The following PPP4R2 variants were observed in gnomAD, a reference collection of about 807,000 sequenced individuals.
PPP4R2 encodes the protein serine/threonine-protein phosphatase 4 regulatory subunit 2.
A neutral mutation model predicts 47.2 loss-of-function variants in PPP4R2; 13 were observed. That is an observed-to-expected ratio of 0.28 (90% CI 0.18 to 0.44). The LOEUF (loss-of-function observed/expected upper bound fraction) is 0.44, where lower values mean the gene tolerates loss of function less well. PPP4R2 is among the 20% of genes least tolerant of loss of function. PPP4R2 has a pLI of 1.00. For missense variants in PPP4R2, 421 were observed against 491.2 expected (o/e 0.86, Z 1.35); for synonymous variants, 151 against 163.3 (o/e 0.92, Z 0.57).
intron 2 of PPP4R2, among the ~76,000 whole-genome samples, chr3:73,018,452 T>TGTTATGTTATGTTATGTTTGTTATG: frequency 1.3e-4 from 13 of 96,532 alleles, no homozygotes; most frequent in South Asian, 6.0e-4. Context: ...TGTTATGTTA[T>TGTTATGTTATGTTATGTTTGTTATG]TTATGTTATG....
chr3:73,063,050 A>G (rs530446949), intron 5 of PPP4R2: 2 of 777,264 alleles, frequency 2.6e-6, no homozygotes, highest in East Asian at 5.3e-5. Context: ...GCATTGGGGA[A>G]ATATTTTGAG....
At chr3:73,014,115 A>G (rs1701778336) in intron 2 of PPP4R2, among the ~76,000 whole-genome samples, 1 of 129,498 alleles carries the variant, frequency 7.7e-6, no homozygotes, top group Admixed American at 7.6e-5. Context: ...ACTGGCACAG[A>G]TGTAAGAGTG....
chr3:73,013,847 G>T (rs539396587), intron 2 of PPP4R2, among the ~76,000 whole-genome samples: 11 of 152,268 alleles, frequency 7.2e-5, no homozygotes, highest in Admixed American at 2.6e-4. Flanking sequence ...TGCCATGTTG[G>T]CCAGGCTGGT....
intron 2 of PPP4R2, among the ~76,000 whole-genome samples, chr3:73,014,744 CT>C (rs1701788497): frequency 6.6e-6 from 1 of 151,990 alleles, no homozygotes; most frequent in Non-Finnish European, 1.5e-5. Context: ...AGAGTTGTTC[CT>C]TTTTCAGATT....
chr3:73,015,859 C>T (rs760151543), intron 2 of PPP4R2: 12 of 416,574 alleles, frequency 2.9e-5, no homozygotes, highest in Non-Finnish European at 5.9e-5. Flanking sequence ...AGGACGGTCT[C>T]GATCTCCTGA....
rs536841252 is a variant in PPP4R2 at position 73,061,235 on chromosome 3, CTA to C, written c.419+179_419+180del. ...AGTAGAATATTACTAATAACATTAT[CTA>C]TATGTTTTTTCCATTAAAGAGATTT... On this transcript the variant is annotated intron_variant, in intron 5 of 8. Transcript: ENST00000356692. The C allele has an allele frequency of 3.7e-3, 1,188 of 325,266 alleles. 6 individuals carry two copies. Among genetic ancestry groups the C allele is most frequent in the Non-Finnish European group, 5.3e-3 (978 of 182,858 alleles). The allele number at this position is 325,266 out of a possible 1,614,324, so 20.1% of individuals were successfully genotyped here.
Position 73,040,580 on chromosome 3 carries a change from C to T in PPP4R2, c.117-6606C>T, listed in dbSNP as rs982563160. ...AGTGCAGTGGCATAACCTTGGCGCA[C>T]TGCAACCTCTGCCTCCTGGGTTCAA... On this transcript the variant is annotated intron_variant, in intron 2 of 8. Transcript: ENST00000356692. Among the ~76,000 whole-genome samples, 18 of 145,850 alleles carry T rather than the reference C, an allele frequency of 1.2e-4. No individual in the cohort carries two copies. In the East Asian group the frequency reaches 1.3e-3, roughly 11 times the overall value.
chr3:73,032,630 T>C (rs1485935155), intron 2 of PPP4R2, among the ~76,000 whole-genome samples: 1 of 152,214 alleles, frequency 6.6e-6, no homozygotes, highest in Admixed American at 6.5e-5. Flanking sequence ...TAGTTACTTT[T>C]TCTCTTAATT....
chr3:73,032,358 G>A (rs1702181612), intron 2 of PPP4R2, among the ~76,000 whole-genome samples: 1 of 150,994 alleles, frequency 6.6e-6, no homozygotes, highest in African/African-American at 2.4e-5. Context: ...GCATGATCTC[G>A]GCTCATTGCA....
At chr3:73,014,497 G>C (rs929662059) in intron 2 of PPP4R2, among the ~76,000 whole-genome samples, 1 of 152,020 alleles carries the variant, frequency 6.6e-6, no homozygotes, top group Non-Finnish European at 1.5e-5. Flanking sequence ...CAGGCTGGTT[G>C]CCCAGGCTGG....
chr3:73,037,740 C>T (rs1702294423), intron 2 of PPP4R2, among the ~76,000 whole-genome samples: 1 of 152,130 alleles, frequency 6.6e-6, no homozygotes, highest in African/African-American at 2.4e-5. Flanking sequence ...CTTAAAGTTC[C>T]AACTTTGTCC....
intron 3 of PPP4R2, among the ~76,000 whole-genome samples, chr3:73,049,047 C>T (rs1163994578): frequency 6.6e-6 from 1 of 151,926 alleles, no homozygotes; most frequent in Non-Finnish European, 1.5e-5. Flanking sequence ...ATTATTTAAC[C>T]AATATGTGTA....
chr3:73,043,665 G>A (rs544192526), intron 2 of PPP4R2, among the ~76,000 whole-genome samples: 1 of 152,226 alleles, frequency 6.6e-6, no homozygotes, highest in South Asian at 2.1e-4. Flanking sequence ...GTTTTGATTT[G>A]CATTTCTCTA....
rs534168623 is a variant in PPP4R2 at position 73,042,327 on chromosome 3, C to T, written c.117-4859C>T. 4.7e-5 allele frequency among the ~76,000 whole-genome samples: 7 copies of T among 148,852 alleles called. No individual in the cohort carries two copies. The South Asian group carries it at 1.3e-3, about 27-fold the overall frequency. On this transcript the variant is annotated intron_variant, in intron 2 of 8. Transcript: ENST00000356692. ...TGTTGCCAAGTTTTTAGTTGATTTG[C>T]GCATGGCCTGTTTTTTGTGCCTGAA...
chr3:73,038,092 C>T (rs1702301135), intron 2 of PPP4R2, among the ~76,000 whole-genome samples: 1 of 152,100 alleles, frequency 6.6e-6, no homozygotes, highest in Admixed American at 6.6e-5. Context: ...AGATCAGTCC[C>T]TTTTGATGGC....
chr3:73,047,057 T>A (rs1702500813), intron 2 of PPP4R2, 129 bp from the exon 3 acceptor site: 1 of 581,262 alleles, frequency 1.7e-6, no homozygotes, highest in South Asian at 2.5e-5. Context: ...ATGACGGCAT[T>A]CTCATTACTA....
chr3:73,065,081 C>T lies in PPP4R2; in HGVS notation c.868C>T (p.Arg290Cys), dbSNP rs375800683. The T allele has an allele frequency of 4.3e-5, 70 of 1,613,840 alleles. No homozygotes were observed. The East Asian group carries it at 4.9e-4, about 11-fold the overall frequency. ...ATCTCAGGATAAAGACAAAGATAGC[C>T]GTTGTACCCGGCAGCACTGTACAGA... ...SSSQDKDKDS[R>C]CTRQHCTEED... The change falls in exon 8 of 9, where the codon CGT becomes TGT. Residue 290 changes from arginine (R) to cysteine (C), a missense_variant. Coordinates refer to ENST00000356692, the MANE Select transcript of PPP4R2 (RefSeq NM_174907.4).
chr3:73,047,433 C>A, intron 3 of PPP4R2, 77 bp downstream of exon 3: 1 of 876,842 alleles, frequency 1.1e-6, no homozygotes. Flanking sequence ...TTTGATGTGT[C>A]TGGTTGATGA....
intron 3 of PPP4R2, among the ~76,000 whole-genome samples, chr3:73,054,630 A>T (rs1344875887): frequency 1.3e-5 from 2 of 152,080 alleles, no homozygotes; most frequent in Non-Finnish European, 2.9e-5. Flanking sequence ...TTTTAGTAGG[A>T]TGTCAGATTT....
Sources: allele counts gnomAD v4.1 joint callset (sites outside exome capture counted in the v4.1 genomes callset), GRCh38; gene constraint gnomAD v4.1.1; transcripts MANE v1.5; gene names NCBI Gene and HGNC (gene_info 2026-07-23, HGNC 2026-07-21).